The following PRSS35 variants were observed in gnomAD, a reference collection of about 807,000 sequenced individuals.
PRSS35 encodes the protein inactive serine protease 35.
PRSS35 carries 7 observed loss-of-function variants against 8.1 expected under a neutral mutation model. That is an observed-to-expected ratio of 0.86 (90% CI 0.49 to 1.62). The LOEUF is 1.62. Among genes scored for constraint, PRSS35 ranks in the 40% most tolerant of loss-of-function variants. PRSS35 has a pLI of 0.00. For synonymous variants in PRSS35, 199 were observed against 188.7 expected, an observed-to-expected ratio of 1.05 and a Z score of -0.45; for missense variants, 566 against 518.0, an observed-to-expected ratio of 1.09 and a Z score of -0.90.
intron 1 of PRSS35, 78 bp from the exon 2 acceptor site, chr6:83,523,344 A>C: frequency 9.0e-7 from 1 of 1,108,432 alleles, no homozygotes; most frequent in Non-Finnish European, 1.3e-6. Context: ...TACATTTAGG[A>C]TCCAAGGGCT....
chr6:83,524,540 A>T lies in PRSS35; in HGVS notation c.1099A>T (p.Ile367Phe). Reference sequence around the variant, plus strand: ...CAAAAAGAATTGGAAGCGCAAAATCATTGCGGTCTACTCAGGGCACCAGTG... The same window carrying T: ...CAAAAAGAATTGGAAGCGCAAAATCTTTGCGGTCTACTCAGGGCACCAGTG... ...PDKKNWKRKI[I>F]AVYSGHQWVD... Residue 367 changes from isoleucine to phenylalanine, a missense_variant, in exon 2 of 2, where the codon ATT (isoleucine) becomes TTT (phenylalanine). Coordinates refer to ENST00000369700, the MANE Select transcript of PRSS35 (RefSeq NM_153362.3). The T allele has an allele frequency of 6.2e-7, 1 of 1,614,194 alleles. No homozygotes were observed. Among genetic ancestry groups the T allele is most frequent in the South Asian group, 1.1e-5 (1 of 91,086 alleles).
chr6:83,512,818 T>C (rs574469276), intron 1 of PRSS35, 124 bp downstream of exon 1: 1 of 152,346 alleles, frequency 6.6e-6, no homozygotes, highest in Middle Eastern at 3.4e-3. Flanking sequence ...CTTGACACTT[T>C]CTTTCAGTCC....
In PRSS35 at chr6:83,524,430, A is replaced by G. The variant is rs1415173956; in HGVS notation, c.989A>G (p.Glu330Gly). 1 of 1,614,182 alleles carries G rather than the reference A, an allele frequency of 6.2e-7. No homozygotes were observed. Among genetic ancestry groups the G allele is most frequent in the East Asian group, 2.2e-5 (1 of 44,882 alleles). The change falls in exon 2 of 2, where the codon GAA becomes GGA. Residue 330 changes from glutamate (E) to glycine (G), a missense_variant. Physicochemically the swap from Glu to Gly is moderately conservative, Grantham distance 98. Transcript: ENST00000369700. The part of the protein sequence containing the change: ...LVYRFCSVSD[E>G]SNDLLYQYCD... The stretch of plus-strand genomic sequence containing the variant: ...TATCGGTTTTGCAGTGTGTCCGACG[A>G]ATCCAATGATCTCCTTTACCAATAC...
chr6:83,514,322 A>T (rs1771675778), intron 1 of PRSS35, among the ~76,000 whole-genome samples: 1 of 152,190 alleles, frequency 6.6e-6, no homozygotes, highest in African/African-American at 2.4e-5. Context: ...TATCCATAGG[A>T]TTGCACAAAT....
intron 1 of PRSS35, among the ~76,000 whole-genome samples, chr6:83,513,211 T>C (rs1055061605): frequency 1.1e-4 from 17 of 152,212 alleles, no homozygotes; most frequent in Admixed American, 2.0e-4. Flanking sequence ...GGGGTGGTGA[T>C]GGTGGATGAA....
Position 83,523,843 on chromosome 6 carries a change from G to A in PRSS35, c.402G>A (p.Leu134=), listed in dbSNP as rs759564949. 6.2e-7 allele frequency: 1 copy of A among 1,614,142 alleles called. No homozygotes were observed. The highest frequency in any genetic ancestry group is 1.1e-5 in the South Asian group (1 of 91,070). The change falls in exon 2 of 2, where the codon TTG becomes TTA. Residue 134 remains leucine, a synonymous_variant. Coordinates refer to ENST00000369700, the MANE Select transcript of PRSS35 (RefSeq NM_153362.3). ...GCACCGACAGCAGGTTCAGCATCTT[G>A]GACAAAAGGTTCTTAACCAATTTCC... ...VYGTDSRFSI[L]DKRFLTNFPF...
chr6:83,520,834 C>G (rs1327743682), intron 1 of PRSS35, among the ~76,000 whole-genome samples: 1 of 152,166 alleles, frequency 6.6e-6, no homozygotes, highest in Non-Finnish European at 1.5e-5. Flanking sequence ...ATAAACGTAA[C>G]TGGGGAAAAA....
chr6:83,514,605 G>A (rs1348403677), intron 1 of PRSS35, among the ~76,000 whole-genome samples: 1 of 152,180 alleles, frequency 6.6e-6, no homozygotes, highest in Non-Finnish European at 1.5e-5. Flanking sequence ...TCTCAGCCTA[G>A]AATCAGTGGA....
rs78364668 is a variant in PRSS35, at chr6:83,518,025, G to C, written c.-21+5331G>C. Among the ~76,000 whole-genome samples, 885 of 152,304 alleles carry C rather than the reference G, an allele frequency of 5.8e-3. 9 individuals carry two copies. The highest frequency in any genetic ancestry group is 0.02 in the African/African-American group (822 of 41,564). On this transcript the variant is annotated intron_variant, in intron 1 of 1. Transcript: ENST00000369700. ...TACAAGGAACCAGGTGAAAAGAAAG[G>C]CATAAGTAATTGTGAATCTGTCACC...
At position 83,523,495 on chromosome 6, in the gene PRSS35, T is replaced by G; in HGVS notation, c.54T>G (p.Ile18Met). 6.2e-7 allele frequency: 1 copy of G among 1,614,152 alleles called. No individual in the cohort carries two copies. The highest frequency in any genetic ancestry group is 8.5e-7 in the Non-Finnish European group (1 of 1,180,018). ...LIFFTPGWTL[I>M]DGSEMEWDFM... ...TTTTCACCCCTGGGTGGACCCTCAT[T>G]GATGGATCTGAAATGGAATGGGATT... is the stretch of plus-strand genomic sequence containing the variant. Residue 18 changes from isoleucine (I) to methionine (M), a missense_variant, in exon 2 of 2, where the codon ATT (isoleucine) becomes ATG (methionine). Coordinates refer to ENST00000369700, the MANE Select transcript of PRSS35 (RefSeq NM_153362.3).
rs202074086 is a variant in PRSS35 at position 83,524,450 on chromosome 6, C to T, written c.1009C>T (p.Gln337Ter). ...VSDESNDLLY[Q>*]YCDAESGSTG... ...CGACGAATCCAATGATCTCCTTTACCAATACTGCGATGCTGAGTCGGGCTC... is the reference window on the plus strand; with the variant it reads ...CGACGAATCCAATGATCTCCTTTACTAATACTGCGATGCTGAGTCGGGCTC... The change falls in exon 2 of 2, where the codon CAA becomes TAA. Residue 337 changes from glutamine (Q) to a stop codon, truncating the protein, a stop_gained. Transcript: ENST00000369700. LOFTEE classifies it high-confidence loss of function. 1 of 1,613,996 alleles carries T rather than the reference C, an allele frequency of 6.2e-7. No individual in the cohort carries two copies. Among genetic ancestry groups the T allele is most frequent in the Admixed American group, 1.7e-5 (1 of 59,998 alleles).
intron 1 of PRSS35, among the ~76,000 whole-genome samples, chr6:83,512,956 G>A (rs1771651591): frequency 6.6e-6 from 1 of 152,120 alleles, no homozygotes; most frequent in Non-Finnish European, 1.5e-5. Flanking sequence ...AGTACCAGAG[G>A]GGACCCTCTT....
intron 1 of PRSS35, among the ~76,000 whole-genome samples, chr6:83,515,868 T>A (rs1161292244): frequency 6.6e-6 from 1 of 151,858 alleles, no homozygotes; most frequent in Non-Finnish European, 1.5e-5. Context: ...CAGGCTGGAG[T>A]GCAATGGCGT....
chr6:83,524,647 G>T lies in PRSS35; in HGVS notation c.1206G>T (p.Trp402Cys). Residue 402 changes from tryptophan (W) to cysteine (C), a missense_variant, in exon 2 of 2, where the codon TGG (tryptophan) becomes TGT (cysteine). Coordinates refer to ENST00000369700, the MANE Select transcript of PRSS35 (RefSeq NM_153362.3). ...TPLKYAQICLWIHGNDANCAY... is the reference protein window; with the variant it reads ...TPLKYAQICLCIHGNDANCAY... ...TAAAATACGCCCAGATTTGCCTCTG[G>T]ATTCACGGGAACGATGCCAATTGTG... 1 of 1,613,072 alleles carries T rather than the reference G, an allele frequency of 6.2e-7. No homozygotes were observed.
intron 1 of PRSS35, among the ~76,000 whole-genome samples, chr6:83,516,727 T>C (rs1771726307): frequency 6.6e-6 from 1 of 152,180 alleles, no homozygotes; most frequent in Non-Finnish European, 1.5e-5. Flanking sequence ...TCCTTACCTT[T>C]TTCAGCATCT....
At position 83,523,722 on chromosome 6, in the gene PRSS35, C is replaced by A. The variant is rs1160956206; in HGVS notation, c.281C>A (p.Thr94Asn). 5 of 1,614,176 alleles carry A rather than the reference C, an allele frequency of 3.1e-6. No homozygotes were observed. Among genetic ancestry groups the A allele is most frequent in the East Asian group, 4.5e-5 (2 of 44,882 alleles). ...ACTGTCTTTGAGAATGGCACCCGAA[C>A]CTTAACCAGGGTGAAAGTTCAAGAT... The part of the protein sequence containing the change: ...YETVFENGTR[T>N]LTRVKVQDLV... The change falls in exon 2 of 2, where the codon ACC becomes AAC. Residue 94 changes from threonine to asparagine, a missense_variant. By Grantham distance (65) the Thr-to-Asn change is moderately conservative. Transcript: ENST00000369700.
rs142619372 is a variant in PRSS35 at position 83,516,004 on chromosome 6, G to A, written c.-21+3310G>A. ...TAATTTTTGTATTTTTAGCAGAGAC[G>A]GGGTTTCACCACGTTGGCCAGGCTG... On this transcript the variant is annotated intron_variant, in intron 1 of 1. Coordinates refer to ENST00000369700, the MANE Select transcript of PRSS35 (RefSeq NM_153362.3). 8.8e-3 allele frequency among the ~76,000 whole-genome samples: 1,336 copies of A among 151,514 alleles called. 16 individuals are homozygous for A. Among genetic ancestry groups the A allele is most frequent in the African/African-American group, 0.031 (1,264 of 41,360 alleles).
chr6:83,524,885 A>G lies in PRSS35; in HGVS notation c.*202A>G, dbSNP rs1013559917. The G allele has an allele frequency of 3.8e-5, 22 of 578,992 alleles. No homozygotes were observed. The highest frequency in any genetic ancestry group is 6.3e-5 in the Non-Finnish European group (21 of 330,936). The allele number at this position is 578,992 out of a possible 1,614,324, so 35.9% of individuals were successfully genotyped here. A position where few individuals can be genotyped will look rare whatever the true frequency, so the allele number is the denominator to read the frequency against. On this transcript the variant is annotated 3_prime_UTR_variant, in exon 2 of 2. Coordinates refer to ENST00000369700, the MANE Select transcript of PRSS35 (RefSeq NM_153362.3). Reference sequence around the variant, plus strand: ...GAAACTAGGTGGGCACTTCAATGCCAAGTATATACTCTTCTTTACATGGTG... The same window carrying G: ...GAAACTAGGTGGGCACTTCAATGCCGAGTATATACTCTTCTTTACATGGTG...
intron 1 of PRSS35, among the ~76,000 whole-genome samples, chr6:83,518,277 A>G (rs1025035294): frequency 6.6e-6 from 1 of 152,176 alleles, no homozygotes; most frequent in African/African-American, 2.4e-5. Flanking sequence ...TCATCATAGG[A>G]TTCTATATAC....
Sources: allele counts gnomAD v4.1 joint callset (sites outside exome capture counted in the v4.1 genomes callset), GRCh38; gene constraint gnomAD v4.1.1; transcripts MANE v1.5; gene names NCBI Gene and HGNC (gene_info 2026-07-23, HGNC 2026-07-21).